The following TNRC6A variants were observed in gnomAD, a reference collection of about 807,000 sequenced individuals.
TNRC6A encodes the protein trinucleotide repeat-containing gene 6A protein.
TNRC6A carries 44 observed loss-of-function variants against 221.2 expected under a neutral mutation model. The observed-to-expected ratio is 0.20, with a 90% CI of 0.16 to 0.26. The LOEUF (loss-of-function observed/expected upper bound fraction) is 0.26. TNRC6A is among the 10% of genes least tolerant of loss of function. The pLI, the probability that TNRC6A is intolerant of heterozygous loss-of-function variation, is 1.00. For synonymous variants in TNRC6A, 847 were observed against 838.5 expected (o/e 1.01, Z -0.18); for missense variants, 2,199 against 2,404.4 (o/e 0.91, Z 1.79).
intron 17 of TNRC6A, among the ~76,000 whole-genome samples, chr16:24,807,120 C>T (rs2058449902): frequency 6.6e-6 from 1 of 151,960 alleles, no homozygotes; most frequent in Non-Finnish European, 1.5e-5. Context: ...ATTCTCGCAC[C>T]TCAGCTTCCC....
chr16:24,814,409 CTTTTTTTTT>C (rs1174753134), intron 18 of TNRC6A, among the ~76,000 whole-genome samples: 3 of 116,766 alleles, frequency 2.6e-5, no homozygotes, highest in Non-Finnish European at 3.5e-5. Context: ...TTTTTTTTTT[CTTTTTTTTT>C]TTTTTTTTGG....
At chr16:24,787,292 C>T (rs984538687) in intron 5 of TNRC6A, among the ~76,000 whole-genome samples, 1 of 152,144 alleles carries the variant, frequency 6.6e-6, no homozygotes, top group Non-Finnish European at 1.5e-5. Context: ...TTCTAGAGTC[C>T]TGTCTACATT....
At chr16:24,670,469 T>A (rs943061211) in intron 2 of TNRC6A, among the ~76,000 whole-genome samples, 1 of 152,112 alleles carries the variant, frequency 6.6e-6, no homozygotes, top group Non-Finnish European at 1.5e-5. Flanking sequence ...GGGGCTGCTG[T>A]TTCAGCAATT....
intron 2 of TNRC6A, among the ~76,000 whole-genome samples, chr16:24,733,118 G>T (rs983121400): frequency 3.9e-5 from 6 of 152,156 alleles, no homozygotes; most frequent in Admixed American, 2.6e-4. Context: ...CCGGGAGGCT[G>T]AGTCAGGAGA....
chr16:24,728,816 T>C (rs978152011), upstream of TNRC6A, among the ~76,000 whole-genome samples: 7 of 152,230 alleles, frequency 4.6e-5, no homozygotes, highest in African/African-American at 1.7e-4. Context: ...TATCTTACTG[T>C]GTCTACACTA....
chr16:24,783,470 G>A (rs534067855), intron 5 of TNRC6A, among the ~76,000 whole-genome samples: 3 of 151,456 alleles, frequency 2.0e-5, no homozygotes, highest in Non-Finnish European at 2.9e-5. Flanking sequence ...ACCAGTCTTC[G>A]TTCAGCCCCC....
intron 2 of TNRC6A, among the ~76,000 whole-genome samples, chr16:24,721,392 G>T (rs1320581562): frequency 6.6e-6 from 1 of 152,154 alleles, no homozygotes; most frequent in Non-Finnish European, 1.5e-5. Flanking sequence ...GAAGAGGCTG[G>T]GTGCGGTGGC....
Position 24,789,227 on chromosome 16 carries a change from C to T in TNRC6A, c.590-5C>T. The T allele has an allele frequency of 3.2e-6, 5 of 1,572,028 alleles. No individual in the cohort carries two copies. Among genetic ancestry groups the T allele is most frequent in the Non-Finnish European group, 4.3e-6 (5 of 1,160,960 alleles). ...ATAAATAGTTGTACTTCTCCTTTAT[C>T]CTAGATATAAACCACAGTACTTCAG... On this transcript the variant is annotated splice_polypyrimidine_tract_variant and splice_region_variant and intron_variant, in intron 5 of 24. Transcript: ENST00000395799.
At chr16:24,690,290 A>T (rs1160435294) in intron 2 of TNRC6A, among the ~76,000 whole-genome samples, 1 of 152,078 alleles carries the variant, frequency 6.6e-6, no homozygotes, top group African/African-American at 2.4e-5. Flanking sequence ...GATTACAGGC[A>T]TAAGCCACCG....
At chr16:24,688,971 C>T (rs980403094) in intron 2 of TNRC6A, among the ~76,000 whole-genome samples, 45 of 152,112 alleles carry the variant, frequency 3.0e-4, no homozygotes, top group African/African-American at 8.9e-4. Flanking sequence ...GAGGCCGACG[C>T]GGGAGGATCT....
At chr16:24,793,719 AT>A in intron 7 of TNRC6A, 70 bp downstream of exon 7, 2 of 1,214,290 alleles carry the variant, frequency 1.6e-6, no homozygotes, top group Non-Finnish European at 2.1e-6. Context: ...TAATTAAATA[AT>A]TAGATAAGGT....
At chr16:24,631,483 T>A (rs1344957342) in intron 1 of TNRC6A, among the ~76,000 whole-genome samples, 1 of 152,142 alleles carries the variant, frequency 6.6e-6, no homozygotes, top group Non-Finnish European at 1.5e-5. Context: ...TATTAGAACA[T>A]CCTAGGGGCT....
At chr16:24,676,220 TCTC>T (rs2055417995) in intron 2 of TNRC6A, among the ~76,000 whole-genome samples, 1 of 152,266 alleles carries the variant, frequency 6.6e-6, no homozygotes, top group South Asian at 2.1e-4. Context: ...CTAAAATTCT[TCTC>T]ATCAAGGTCA....
chr16:24,625,955 C>T (rs1900965238), intron 1 of TNRC6A, among the ~76,000 whole-genome samples: 1 of 152,082 alleles, frequency 6.6e-6, no homozygotes, highest in African/African-American at 2.4e-5. Flanking sequence ...ATATCTCTGA[C>T]CCCATCTAAG....
intron 1 of TNRC6A, among the ~76,000 whole-genome samples, chr16:24,625,385 G>A (rs1349800121): frequency 3.3e-5 from 5 of 152,126 alleles, no homozygotes; most frequent in East Asian, 1.9e-4. Context: ...AGGCCAAGGC[G>A]GGCGGATCAC....
chr16:24,610,265 C>A (rs1899983944), exon 1 of TNRC6A: 1 of 152,390 alleles, frequency 6.6e-6, no homozygotes, highest in Non-Finnish European at 1.5e-5. Context: ...TACGTGGGTT[C>A]AAAAACAATT....
At chr16:24,765,549 A>G (rs2057454937) in intron 4 of TNRC6A, among the ~76,000 whole-genome samples, 1 of 152,152 alleles carries the variant, frequency 6.6e-6, no homozygotes, top group Non-Finnish European at 1.5e-5. Flanking sequence ...AGGATTTTAA[A>G]TGTGCTACGG....
chr16:24,696,720 C>T (rs1298089611), intron 2 of TNRC6A, among the ~76,000 whole-genome samples: 1 of 13,780 alleles, frequency 7.3e-5, no homozygotes, highest in Non-Finnish European at 1.1e-4. Context: ...CAGAGCGAGA[C>T]CCTGTCTCAA....
At chr16:24,720,773 C>T (rs1469672945) in intron 2 of TNRC6A, among the ~76,000 whole-genome samples, 3 of 148,902 alleles carry the variant, frequency 2.0e-5, no homozygotes, top group African/African-American at 7.4e-5. Context: ...CAGTGGCTCA[C>T]GCCTGTAATC....
Sources: gnomAD v4.1 joint callset for allele counts (sites outside exome capture counted in the v4.1 genomes callset) on GRCh38, gnomAD v4.1.1 for gene constraint, MANE v1.5 for transcripts, NCBI Gene and HGNC (gene_info 2026-07-23, HGNC 2026-07-21) for gene names.